Variants in GGT1 observed in about 807,000 individuals in gnomAD.
GGT1 encodes the protein gamma-glutamyltransferase 1, also known as glutathione hydrolase 1 proenzyme.
Under a neutral mutation model 56.0 loss-of-function variants are expected in GGT1, and 21 were observed. The ratio of observed to expected loss-of-function variants is 0.38; its 90% CI spans 0.27 to 0.54. The LOEUF is 0.54. Ranked by LOEUF, GGT1 falls within the 20% of genes least tolerant of loss-of-function variation. GGT1 has a pLI of 0.82. For synonymous variants in GGT1, 238 were observed against 342.6 expected (o/e 0.69, Z 3.37); for missense variants, 466 against 787.0 (o/e 0.59, Z 4.88).
the GGT1 span, chr22:24,586,553 C>G: frequency 2.0e-6 from 2 of 977,836 alleles, no homozygotes; most frequent in Non-Finnish European, 3.1e-6. Context: ...TTTTTTGAGA[C>G]AAAGTTTCGC....
intron 7 of GGT1, among the ~76,000 whole-genome samples, chr22:24,619,528 C>T (rs560391297): frequency 7.9e-5 from 12 of 152,170 alleles, no homozygotes; most frequent in Admixed American, 7.2e-4. Flanking sequence ...ATGATTGCAC[C>T]ACTGCACTCC....
chr22:24,615,599 G>A (rs899819838), intron 7 of GGT1, among the ~76,000 whole-genome samples: 2 of 152,172 alleles, frequency 1.3e-5, no homozygotes, highest in South Asian at 4.1e-4. Context: ...TTGAACCCAG[G>A]CTGTCTATAC....
At position 24,620,010 on chromosome 22, in the gene GGT1, C is replaced by T. The variant is rs1258710299; in HGVS notation, c.383-318C>T. ...CTCCTAAAAAAAAAAATTAAACATC[C>T]CCTCCTAAAAAAAAACAATTAAAAT... On this transcript the variant is annotated intron_variant, in intron 7 of 15. Coordinates refer to ENST00000400382, the MANE Select transcript of GGT1 (RefSeq NM_001288833.2). The surrounding 1 kb of genome is among the most constrained non-coding windows in gnomAD (Gnocchi z 5.6). Among the ~76,000 whole-genome samples, 1 of 137,654 alleles carries T rather than the reference C, an allele frequency of 7.3e-6. No individual in the cohort carries two copies. The highest frequency in any genetic ancestry group is 2.8e-5 in the African/African-American group (1 of 35,418). The allele number at this position is 137,654 out of a possible 152,430, so 90.3% of individuals were successfully genotyped here.
intron 7 of GGT1, among the ~76,000 whole-genome samples, chr22:24,616,790 C>T (rs1276228346): frequency 2.0e-5 from 3 of 152,008 alleles, no homozygotes; most frequent in East Asian, 1.9e-4. Context: ...CGTGATCCCC[C>T]GGCCTCGGCC....
chr22:24,598,157 G>A (rs1433543569), intron 1 of GGT1: 2 of 152,172 alleles, frequency 1.3e-5, no homozygotes, highest in Admixed American at 6.5e-5. Flanking sequence ...CTATAAATAG[G>A]CCGGGCACGG....
chr22:24,596,870 G>A lies in GGT1; in HGVS notation c.-324+1984G>A, dbSNP rs951593887. 8.3e-5 allele frequency among the ~76,000 whole-genome samples: 12 copies of A among 144,678 alleles called. No individual in the cohort carries two copies. In the East Asian group the frequency reaches 1.0e-3, roughly 12 times the overall value. The allele number at this position is 144,678 out of a possible 152,430, so 94.9% of individuals were successfully genotyped here. A position where few individuals can be genotyped will look rare whatever the true frequency, so the allele number is the denominator to read the frequency against. On this transcript the variant is annotated intron_variant, in intron 1 of 6. Coordinates refer to the GGT1 transcript ENST00000411974. ...AGAAGTTGCAGTGAGCTGAGATTGC[G>A]TGGTGACTTCACTCCAGCCTGGTGA...
At chr22:24,610,791 G>A (rs974498356) in intron 4 of GGT1, among the ~76,000 whole-genome samples, 15 of 147,688 alleles carry the variant, frequency 1.0e-4, no homozygotes, top group Non-Finnish European at 2.1e-4. Flanking sequence ...AAATCTGGGG[G>A]CTCCCAGGAA....
the GGT1 span, chr22:24,588,177 C>T: frequency 6.7e-7 from 1 of 1,493,600 alleles, no homozygotes; most frequent in Non-Finnish European, 9.3e-7. Flanking sequence ...GACCTTGGAG[C>T]AGCAGTGAGG....
At chr22:24,617,581 T>A (rs1166185041) in intron 7 of GGT1, among the ~76,000 whole-genome samples, 1 of 151,868 alleles carries the variant, frequency 6.6e-6, no homozygotes, top group African/African-American at 2.4e-5. Flanking sequence ...GACGCTTGTG[T>A]AGGGAGTCCC....
upstream of GGT1, among the ~76,000 whole-genome samples, chr22:24,593,912 C>T (rs1178184718): frequency 6.6e-6 from 1 of 152,260 alleles, no homozygotes; most frequent in African/African-American, 2.4e-5. Context: ...TGGTTTGGGG[C>T]AGGCCCCCAC....
chr22:24,586,943 G>C, the GGT1 span, among the ~76,000 whole-genome samples: 4 of 152,210 alleles, frequency 2.6e-5, no homozygotes, highest in African/African-American at 4.8e-5. Flanking sequence ...ACACAGTAAG[G>C]CTCTTTCTTC....
chr22:24,585,715 A>C, the GGT1 span: 2 of 752,838 alleles, frequency 2.7e-6, no homozygotes, highest in Non-Finnish European at 4.2e-6. Context: ...GCCTCTAGCC[A>C]GGGCTGGCCA....
intron 1 of GGT1, among the ~76,000 whole-genome samples, chr22:24,605,306 ATT>A: frequency 3.5e-5 from 2 of 56,460 alleles, no homozygotes; most frequent in African/African-American, 8.5e-5. Flanking sequence ...TGTATTATAT[ATT>A]ATATAATATG....
chr22:24,605,074 A>T (rs1249316130), intron 1 of GGT1, among the ~76,000 whole-genome samples: 7 of 71,998 alleles, frequency 9.7e-5, no homozygotes, highest in Non-Finnish European at 1.3e-4. Context: ...GTAATATATA[A>T]TATATAAAGT....
In GGT1 at chr22:24,607,106, T is replaced by C. The variant is rs556443103; in HGVS notation, c.-428-848T>C. 2.3e-4 allele frequency among the ~76,000 whole-genome samples: 35 copies of C among 152,358 alleles called. 1 individual carries two copies. In the South Asian group the frequency reaches 6.6e-3, roughly 29 times the overall value. On this transcript the variant is annotated intron_variant, in intron 1 of 15. Transcript: ENST00000400382. ...TGGCCAAGCCTGCACTGCTGGGCTC[T>C]GTGAGCTTGGGCCAGCTCAGGCCCT... is the stretch of plus-strand genomic sequence containing the variant.
At chr22:24,619,729 T>C (rs2047293692) in intron 7 of GGT1, among the ~76,000 whole-genome samples, 1 of 151,938 alleles carries the variant, frequency 6.6e-6, no homozygotes. Context: ...AGGTGGCCTG[T>C]GCTTGACCTC....
At chr22:24,589,856 C>G, upstream of GGT1, 1 of 1,613,830 alleles carries the variant, frequency 6.2e-7, no homozygotes, top group Non-Finnish European at 8.5e-7. Context: ...GCCAGGTTCA[C>G]AAGCAGGTCA....
intron 1 of GGT1, among the ~76,000 whole-genome samples, chr22:24,605,544 G>T: frequency 3.3e-5 from 2 of 61,090 alleles, no homozygotes; most frequent in Non-Finnish European, 4.9e-5. Context: ...TATATAATGT[G>T]TATTATATAT....
the GGT1 span, among the ~76,000 whole-genome samples, chr22:24,587,414 G>A: frequency 2.8e-4 from 42 of 152,334 alleles, no homozygotes; most frequent in African/African-American, 8.9e-4. Context: ...GGCCTTTTGG[G>A]GGACTGACAG....
Sources: gnomAD v4.1 joint callset for allele counts (sites outside exome capture counted in the v4.1 genomes callset) on GRCh38, gnomAD v4.1.1 for gene constraint, Gnocchi (gnomAD v3.1) non-coding constraint, MANE v1.5 for transcripts, NCBI Gene and HGNC (gene_info 2026-07-23, HGNC 2026-07-21) for gene names.